The following UNC80 variants were observed in gnomAD, a reference collection of about 807,000 sequenced individuals.
UNC80 encodes unc-80 subunit of NALCN channel complex.
A neutral mutation model predicts 384.6 loss-of-function variants in UNC80; 164 were observed. The observed-to-expected ratio is 0.43, with a 90% CI of 0.38 to 0.49. UNC80 has a LOEUF of 0.49. Ranked by LOEUF, UNC80 falls within the 20% of genes least tolerant of loss-of-function variation. UNC80 has a pLI of 0.00. For missense variants in UNC80, 3,330 were observed against 4,143.0 expected, an observed-to-expected ratio of 0.80 and a Z score of 5.39; for synonymous variants, 1,486 against 1,527.8, an observed-to-expected ratio of 0.97 and a Z score of 0.64.
chr2:209,906,108 A>T (rs1277649128), intron 29 of UNC80, among the ~76,000 whole-genome samples: 1 of 152,208 alleles, frequency 6.6e-6, no homozygotes, highest in Non-Finnish European at 1.5e-5. Flanking sequence ...CTTTCTAAGG[A>T]ATTTGCAAAC....
At position 209,894,217 on chromosome 2, in the gene UNC80, C is replaced by T. The variant is rs1227118100; in HGVS notation, c.4331C>T (p.Thr1444Ile). 1.0e-6 allele frequency: 1 copy of T among 985,286 alleles called. No homozygotes were observed. Among genetic ancestry groups the T allele is most frequent in the East Asian group, 1.1e-4 (1 of 8,830 alleles). The allele number at this position is 985,286 out of a possible 1,614,324, so 61.0% of individuals were successfully genotyped here. A position where few individuals can be genotyped will look rare whatever the true frequency, so the allele number is the denominator to read the frequency against. ...TCTCGCCTGCTCCAGATTAAAGGAACCCGCAGTTTCCAGGTGAAGAAGGGG... is the reference window on the plus strand; with the variant it reads ...TCTCGCCTGCTCCAGATTAAAGGAATCCGCAGTTTCCAGGTGAAGAAGGGG... Reference protein sequence around the residue: ...GGSRLLQIKGTRSFQVKKGGS... With the variant: ...GGSRLLQIKGIRSFQVKKGGS... The change falls in exon 27 of 65, where the codon ACC becomes ATC. Residue 1444 changes from threonine to isoleucine, a missense_variant. By Grantham distance (89) the Thr-to-Ile change is moderately conservative (BLOSUM62 -1). Transcript: ENST00000673920.
At chr2:209,931,327 T>A (rs2090848348) in intron 38 of UNC80, among the ~76,000 whole-genome samples, 1 of 151,380 alleles carries the variant, frequency 6.6e-6, no homozygotes. Flanking sequence ...CATGTGTTCT[T>A]TTAGTATTTT....
chr2:209,959,806 C>A, intron 51 of UNC80, 99 bp downstream of exon 51: 2 of 1,097,020 alleles, frequency 1.8e-6, no homozygotes, highest in South Asian at 3.2e-5. Flanking sequence ...CCAGGAAAAA[C>A]TCTTAATATA....
intron 16 of UNC80, among the ~76,000 whole-genome samples, chr2:209,831,816 C>T (rs1019718830): frequency 2.6e-5 from 4 of 152,338 alleles, no homozygotes; most frequent in Middle Eastern, 3.4e-3. Context: ...CTATCTTCCT[C>T]TCCCATCTCA....
intron 38 of UNC80, 29 bp downstream of exon 38, chr2:209,931,083 C>T (rs1302133668): frequency 2.1e-5 from 31 of 1,456,204 alleles, no homozygotes; most frequent in East Asian, 9.9e-5. Flanking sequence ...TTTCCAATTA[C>T]GAAGCAGCAC....
At chr2:209,858,090 A>G (rs192306303) in intron 22 of UNC80, among the ~76,000 whole-genome samples, 9 of 152,294 alleles carry the variant, frequency 5.9e-5, no homozygotes, top group South Asian at 2.1e-4. Context: ...TGATCTATCA[A>G]TTACTGTTAG....
At chr2:209,829,501 C>A in intron 15 of UNC80, 122 bp downstream of exon 15, 5 of 1,009,964 alleles carry the variant, frequency 5.0e-6, no homozygotes, top group Non-Finnish European at 5.9e-6. Context: ...TGTGTCCATG[C>A]ATGTGTGTGG....
chr2:209,873,493 A>G (rs1574838810), intron 23 of UNC80, among the ~76,000 whole-genome samples: 1 of 152,324 alleles, frequency 6.6e-6, no homozygotes, highest in East Asian at 1.9e-4. Flanking sequence ...ACATAAACAC[A>G]TATTTATGTA....
chr2:209,978,689 T>C lies in UNC80; in HGVS notation c.9099T>C (p.Thr3033=), dbSNP rs2093075271. The part of the protein sequence containing the change: ...QQASQDTLSR[T]DEEDEENDSI... ...CTTCGCAGGACACCCTGAGTCGGAC[T>C]GATGAGGAAGATGAGGAAAGTAGGT... The change falls in exon 59 of 65, where the codon ACT becomes ACC. Residue 3033 remains threonine (T), a synonymous_variant. Transcript: ENST00000673920. 1.3e-6 allele frequency: 2 copies of C among 1,542,098 alleles called. No homozygotes were observed. Among genetic ancestry groups the C allele is most frequent in the Admixed American group, 2.0e-5 (1 of 50,844 alleles).
At position 209,894,219 on chromosome 2, in the gene UNC80, C is replaced by T. The variant is rs780608716; in HGVS notation, c.4333C>T (p.Arg1445Cys). The T allele has an allele frequency of 9.1e-6, 9 of 985,230 alleles. No homozygotes were observed. Among genetic ancestry groups the T allele is most frequent in the African/African-American group, 5.2e-5 (3 of 57,204 alleles). 61.0% of individuals were successfully genotyped at this position (985,230 alleles called of 1,614,324 possible). The change falls in exon 27 of 65, where the codon CGC becomes TGC. Residue 1445 changes from arginine (R) to cysteine (C), a missense_variant. Arg to Cys is a radical substitution (Grantham distance 180). Coordinates refer to ENST00000673920, the MANE Select transcript of UNC80 (RefSeq NM_001371986.1). ...TCGCCTGCTCCAGATTAAAGGAACC[C>T]GCAGTTTCCAGGTGAAGAAGGGGGG... ...GSRLLQIKGT[R>C]SFQVKKGGSL...
chr2:209,908,174 A>C (rs1167318949), intron 29 of UNC80, among the ~76,000 whole-genome samples: 1 of 152,246 alleles, frequency 6.6e-6, no homozygotes, highest in Admixed American at 6.5e-5. Context: ...ATGAAAAATG[A>C]AAACAGAGTG....
chr2:209,827,211 T>C (rs1401690374), intron 14 of UNC80, among the ~76,000 whole-genome samples: 3 of 152,130 alleles, frequency 2.0e-5, no homozygotes, highest in Non-Finnish European at 4.4e-5. Flanking sequence ...TGCACATGTG[T>C]ATATGATTTT....
Position 209,976,199 on chromosome 2 carries a change from G to T in UNC80, c.8668G>T (p.Ala2890Ser). The change falls in exon 57 of 65, where the codon GCT becomes TCT. Residue 2890 changes from alanine (A) to serine (S), a missense_variant. By Grantham distance (99) the Ala-to-Ser change is moderately conservative. Coordinates refer to ENST00000673920, the MANE Select transcript of UNC80 (RefSeq NM_001371986.1). This position sits in a 1 kb window ranked among gnomAD's most constrained non-coding sequence, Gnocchi z 4.3. ...GCTGAGCCTCCAGGTGAAGGAGATGGCTCTGCGGAAGGTGGGAGGCCTGGC... is the reference window on the plus strand; with the variant it reads ...GCTGAGCCTCCAGGTGAAGGAGATGTCTCTGCGGAAGGTGGGAGGCCTGGC... Reference protein sequence around the residue: ...YWLSLQVKEMALRKVGGLALW... With the variant: ...YWLSLQVKEMSLRKVGGLALW... 1 of 1,551,672 alleles carries T rather than the reference G, an allele frequency of 6.4e-7. No individual in the cohort carries two copies.
In UNC80 at chr2:209,971,027, G is replaced by A. The variant is rs78941886; in HGVS notation, c.8256+70G>A. On this transcript the variant is annotated intron_variant, in intron 54 of 64. Transcript: ENST00000673920. ...TGAGGCACCAGATCATGGTGTTCTC[G>A]TTTTTTTCTGCAAAGGCTGGGCAAA... is the stretch of plus-strand genomic sequence containing the variant. 5.6e-4 allele frequency: 838 copies of A among 1,488,618 alleles called. 2 individuals are homozygous for A. Among genetic ancestry groups the A allele is most frequent in the East Asian group, 5.2e-3 (206 of 39,782 alleles). 92.2% of individuals were successfully genotyped at this position (1,488,618 alleles called of 1,614,324 possible). A position where few individuals can be genotyped will look rare whatever the true frequency, so the allele number is the denominator to read the frequency against.
intron 7 of UNC80, chr2:209,795,588 T>A (rs373959814): frequency 5.3e-5 from 8 of 152,220 alleles, no homozygotes; most frequent in Non-Finnish European, 1.0e-4. Flanking sequence ...AAAAGCAGTT[T>A]CGTGGGCTGG....
At position 209,777,563 on chromosome 2, in the gene UNC80, A is replaced by G. The variant is rs1392688795; in HGVS notation, c.600+4A>G. On this transcript the variant is annotated splice_donor_region_variant and intron_variant, in intron 4 of 64. Coordinates refer to ENST00000673920, the MANE Select transcript of UNC80 (RefSeq NM_001371986.1). ...TCCCCTGGTACACAGGATCAAGGTA[A>G]GCAGAAACCCAGTGTTAGAGCTGGA... is the stretch of plus-strand genomic sequence containing the variant. 1 of 1,600,052 alleles carries G rather than the reference A, an allele frequency of 6.2e-7. No individual in the cohort carries two copies. Among genetic ancestry groups the G allele is most frequent in the East Asian group, 2.2e-5 (1 of 44,814 alleles).
rs543877270 is a variant in UNC80, at chr2:209,995,954, T to C, written c.*359T>C. The C allele has an allele frequency of 1.1e-4, 18 of 171,002 alleles. No individual in the cohort carries two copies. Among genetic ancestry groups the C allele is most frequent in the African/African-American group, 3.1e-4 (13 of 41,906 alleles). The allele number at this position is 171,002 out of a possible 1,614,324, so 10.6% of individuals were successfully genotyped here. On this transcript the variant is annotated 3_prime_UTR_variant, in exon 65 of 65. Coordinates refer to ENST00000673920, the MANE Select transcript of UNC80 (RefSeq NM_001371986.1). Reference sequence around the variant, plus strand: ...CAAATGATATGATCTAAAAATAGAATGCAATTTTTTGAGATTACTCACATT... The same window carrying C: ...CAAATGATATGATCTAAAAATAGAACGCAATTTTTTGAGATTACTCACATT...
In UNC80 at chr2:209,994,220, C is replaced by A; in HGVS notation, c.9664C>A (p.Pro3222Thr). The A allele has an allele frequency of 1.3e-6, 2 of 1,551,242 alleles. No individual in the cohort carries two copies. The highest frequency in any genetic ancestry group is 1.7e-6 in the Non-Finnish European group (2 of 1,146,820). The part of the protein sequence containing the change: ...AMDEPVLTSS[P>T]AIVVADLHSV... ...GGACGAACCAGTCCTCACATCTTCT[C>A]CCGCCATAGTTGTTGCGGATCTCCA... Residue 3222 changes from proline (P) to threonine (T), a missense_variant, in exon 64 of 65, where the codon CCC (proline) becomes ACC (threonine). Around this residue, in one of 8 missense-constraint regions of UNC80, gnomAD observed 236 missense variants for 254.9 expected, o/e 0.93. Coordinates refer to ENST00000673920, the MANE Select transcript of UNC80 (RefSeq NM_001371986.1).
intron 5 of UNC80, among the ~76,000 whole-genome samples, chr2:209,787,986 T>C (rs1300219512): frequency 2.6e-5 from 4 of 152,150 alleles, no homozygotes; most frequent in Non-Finnish European, 5.9e-5. Context: ...GGACAAGACA[T>C]GAAGGTGGAA....
Sources: allele counts gnomAD v4.1 joint callset (sites outside exome capture counted in the v4.1 genomes callset), GRCh38; gene constraint gnomAD v4.1.1; regional missense constraint gnomAD v4.1.1; non-coding constraint Gnocchi (gnomAD v3.1); transcripts MANE v1.5; gene names NCBI Gene and HGNC (gene_info 2026-07-23, HGNC 2026-07-21).